Variants in CTIF observed in about 807,000 individuals in gnomAD.
CTIF encodes the protein CBP80/20-dependent translation initiation factor.
CTIF carries 21 observed loss-of-function variants against 66.0 expected under a neutral mutation model. That is an observed-to-expected ratio of 0.32 (90% CI 0.23 to 0.46). CTIF has a LOEUF of 0.46. Ranked by LOEUF, CTIF falls within the 20% of genes least tolerant of loss-of-function variation. CTIF has a pLI of 1.00. For missense variants in CTIF, 739 were observed against 812.7 expected, an observed-to-expected ratio of 0.91 and a Z score of 1.10; for synonymous variants, 345 against 326.4, an observed-to-expected ratio of 1.06 and a Z score of -0.62.
At chr18:48,842,641 C>A (rs1461351233) in intron 10 of CTIF, among the ~76,000 whole-genome samples, 2 of 152,144 alleles carry the variant, frequency 1.3e-5, no homozygotes, top group African/African-American at 2.4e-5. Flanking sequence ...TTGTTCCAGC[C>A]CAGCAGTCGC....
chr18:48,546,972 G>A (rs2088766684), intron 1 of CTIF, among the ~76,000 whole-genome samples: 1 of 152,154 alleles, frequency 6.6e-6, no homozygotes, highest in African/African-American at 2.4e-5. Flanking sequence ...AAGACTTGGG[G>A]GCCAGTGTCT....
intron 9 of CTIF, among the ~76,000 whole-genome samples, chr18:48,812,150 G>A (rs1476855348): frequency 2.0e-5 from 3 of 152,078 alleles, no homozygotes; most frequent in Non-Finnish European, 4.4e-5. Flanking sequence ...TTTTAGTAGA[G>A]GCGGGGTTTC....
At chr18:48,821,436 G>A (rs553023373) in intron 10 of CTIF, among the ~76,000 whole-genome samples, 14 of 152,374 alleles carry the variant, frequency 9.2e-5, no homozygotes, top group South Asian at 2.1e-4. Flanking sequence ...GCCACCAAGC[G>A]GTAGAATCAG....
intron 9 of CTIF, among the ~76,000 whole-genome samples, chr18:48,796,851 A>G (rs777437889): frequency 1.3e-5 from 2 of 152,174 alleles, no homozygotes; most frequent in Non-Finnish European, 2.9e-5. Context: ...TGTGACGAGA[A>G]TTGTTTCCCC....
At chr18:48,638,563 A>T (rs2090867107) in intron 3 of CTIF, among the ~76,000 whole-genome samples, 1 of 151,994 alleles carries the variant, frequency 6.6e-6, no homozygotes, top group South Asian at 2.1e-4. Context: ...GCAGGAGGTC[A>T]TGTAGGGGTT....
At chr18:48,838,643 A>G (rs1051127060) in intron 10 of CTIF, among the ~76,000 whole-genome samples, 2 of 152,206 alleles carry the variant, frequency 1.3e-5, no homozygotes, top group African/African-American at 4.8e-5. Flanking sequence ...CCTCGGGGCC[A>G]ACACAGAGTT....
intron 9 of CTIF, among the ~76,000 whole-genome samples, chr18:48,792,844 T>A (rs954137470): frequency 6.6e-6 from 1 of 152,100 alleles, no homozygotes; most frequent in Non-Finnish European, 1.5e-5. Context: ...ATGTTGGAAT[T>A]GTGCAATAGG....
Position 48,761,140 on chromosome 18 carries a change from C to A in CTIF, c.1072-250C>A. The A allele has an allele frequency of 2.3e-6, 1 of 438,574 alleles. No homozygotes were observed. Among genetic ancestry groups the A allele is most frequent in the Non-Finnish European group, 4.0e-6 (1 of 248,384 alleles). The allele number at this position is 438,574 out of a possible 1,614,324, so 27.2% of individuals were successfully genotyped here. ...AAAAAAAGCCAATGTATATGAGAAT[C>A]CTGGGTAGGAGCTAGAACCCAAAAA... On this transcript the variant is annotated intron_variant, in intron 8 of 11. Transcript: ENST00000256413. This position sits in a 1 kb window ranked among gnomAD's most constrained non-coding sequence, Gnocchi z 4.2.
chr18:48,806,568 C>T (rs565862797), intron 9 of CTIF, among the ~76,000 whole-genome samples: 3 of 152,246 alleles, frequency 2.0e-5, no homozygotes, highest in Admixed American at 6.5e-5. Context: ...TAGGGGCTGC[C>T]CATCTCCCTC....
At chr18:48,684,615 A>G (rs2091805452) in intron 6 of CTIF, among the ~76,000 whole-genome samples, 2 of 152,218 alleles carry the variant, frequency 1.3e-5, no homozygotes, top group Non-Finnish European at 1.5e-5. Context: ...ATGTTTAATC[A>G]GATGATTACT....
intron 10 of CTIF, among the ~76,000 whole-genome samples, chr18:48,838,286 A>G (rs2068858554): frequency 6.6e-6 from 1 of 152,112 alleles, no homozygotes; most frequent in Admixed American, 6.5e-5. Context: ...TGGAGCCTAC[A>G]CTGAACTTTC....
intron 6 of CTIF, among the ~76,000 whole-genome samples, chr18:48,700,023 C>T (rs2092061541): frequency 6.6e-6 from 1 of 152,208 alleles, no homozygotes; most frequent in Non-Finnish European, 1.5e-5. Context: ...CTGTGGCCTC[C>T]TTATCCATGC....
intron 1 of CTIF, among the ~76,000 whole-genome samples, chr18:48,613,375 G>A (rs181172752): frequency 1.6e-4 from 25 of 152,144 alleles, no homozygotes; most frequent in Non-Finnish European, 2.8e-4. Context: ...GCTGCCCCAC[G>A]GTGTTCACAG....
intron 2 of CTIF, among the ~76,000 whole-genome samples, chr18:48,624,547 A>T (rs974559561): frequency 3.9e-5 from 6 of 152,206 alleles, no homozygotes; most frequent in Non-Finnish European, 7.3e-5. Flanking sequence ...GGCACATGTG[A>T]TGTTCGTGGA....
chr18:48,586,856 C>A (rs892442888), intron 1 of CTIF, among the ~76,000 whole-genome samples: 2 of 152,016 alleles, frequency 1.3e-5, no homozygotes, highest in African/African-American at 4.8e-5. Context: ...GGTATCAGGC[C>A]ACCACTCCTA....
chr18:48,632,727 G>T (rs1228215909), intron 2 of CTIF, among the ~76,000 whole-genome samples: 1 of 152,130 alleles, frequency 6.6e-6, no homozygotes. Context: ...ACCCTGGGTT[G>T]CCTGCTTTTC....
At chr18:48,820,789 A>G (rs2068467211) in intron 10 of CTIF, among the ~76,000 whole-genome samples, 2 of 152,188 alleles carry the variant, frequency 1.3e-5, no homozygotes, top group South Asian at 2.1e-4. Context: ...CCAAACCCAC[A>G]GGCCATCTCT....
At chr18:48,550,076 T>C (rs917162787) in intron 1 of CTIF, among the ~76,000 whole-genome samples, 1 of 152,220 alleles carries the variant, frequency 6.6e-6, no homozygotes, top group Non-Finnish European at 1.5e-5. Context: ...TAATTATTAC[T>C]TCTTAAGCCA....
chr18:48,795,180 T>A lies in CTIF; in HGVS notation c.1372-22041T>A, dbSNP rs115785407. On this transcript the variant is annotated intron_variant, in intron 9 of 11. Transcript: ENST00000256413. ...AGCTTACCTTTTACTTGAAGGATACTGTGTCAAACCATGGACTTAGTTGCC... is the reference window on the plus strand; with the variant it reads ...AGCTTACCTTTTACTTGAAGGATACAGTGTCAAACCATGGACTTAGTTGCC... Among the ~76,000 whole-genome samples, 1,376 of 152,322 alleles carry A rather than the reference T, an allele frequency of 9.0e-3. 26 individuals carry two copies. The highest frequency in any genetic ancestry group is 0.031 in the African/African-American group (1,293 of 41,562).
Sources: gnomAD v4.1 joint callset for allele counts (sites outside exome capture counted in the v4.1 genomes callset) on GRCh38, gnomAD v4.1.1 for gene constraint, Gnocchi (gnomAD v3.1) non-coding constraint, MANE v1.5 for transcripts, NCBI Gene and HGNC (gene_info 2026-07-23, HGNC 2026-07-21) for gene names.